CEP112: variants seen among roughly 807,000 people sequenced by gnomAD.
CEP112 encodes the protein centrosomal protein of 112 kDa.
CEP112 carries 127 observed loss-of-function variants against 153.0 expected under a neutral mutation model. The ratio of observed to expected loss-of-function variants is 0.83; its 90% CI spans 0.72 to 0.96. CEP112 has a LOEUF of 0.96. CEP112 is among the 40% of genes least tolerant of loss of function. The pLI, the probability that CEP112 is intolerant of heterozygous loss-of-function variation, is 0.00. For missense variants in CEP112, 1,089 were observed against 1,101.2 expected, an observed-to-expected ratio of 0.99 and a Z score of 0.16; for synonymous variants, 358 against 374.4, an observed-to-expected ratio of 0.96 and a Z score of 0.51.
At chr17:66,088,383 G>T (rs1421017971) in intron 8 of CEP112, among the ~76,000 whole-genome samples, 1 of 152,140 alleles carries the variant, frequency 6.6e-6, no homozygotes, top group Non-Finnish European at 1.5e-5. Context: ...GCACGAGGCT[G>T]GCCCCGACAA....
intron 17 of CEP112, among the ~76,000 whole-genome samples, chr17:65,969,508 G>A (rs2062557075): frequency 6.6e-6 from 1 of 152,034 alleles, no homozygotes; most frequent in Non-Finnish European, 1.5e-5. Flanking sequence ...TACTGTATTT[G>A]CATTACTTGC....
intron 23 of CEP112, among the ~76,000 whole-genome samples, chr17:65,740,593 A>C (rs1435949447): frequency 6.6e-6 from 1 of 152,222 alleles, no homozygotes; most frequent in East Asian, 1.9e-4. Context: ...CTCTGACAGA[A>C]TGAGTACTAG....
In CEP112 at chr17:66,025,476, A is replaced by G. The variant is rs371018480; in HGVS notation, c.1656+2025T>C. 3.9e-4 allele frequency among the ~76,000 whole-genome samples: 60 copies of G among 152,214 alleles called. 1 individual carries two copies. The highest frequency in any genetic ancestry group is 1.4e-3 in the African/African-American group (57 of 41,542). ...AATAATAATAATTAATAACCCCATT[A>G]TAAAGTGGACAAAGGGCATGAGTAG... On this transcript the variant is annotated intron_variant, in intron 16 of 26. Transcript: ENST00000535342.
intron 8 of CEP112, among the ~76,000 whole-genome samples, chr17:66,073,955 T>C (rs545226974): frequency 3.9e-5 from 6 of 152,258 alleles, no homozygotes; most frequent in African/African-American, 1.4e-4. Flanking sequence ...AAGAAAATTT[T>C]GTCCTTAGGC....
intron 19 of CEP112, among the ~76,000 whole-genome samples, chr17:65,921,729 T>C (rs1203607996): frequency 6.6e-6 from 1 of 152,196 alleles, no homozygotes; most frequent in Non-Finnish European, 1.5e-5. Context: ...CAATGGTGTA[T>C]GGCTTCCATT....
chr17:65,991,688 T>C (rs4477761), intron 17 of CEP112, among the ~76,000 whole-genome samples: 78,962 of 151,774 alleles, frequency 0.52, 21,536 homozygotes, highest in African/African-American at 0.6. Flanking sequence ...AATCTTTGTG[T>C]TTACTATTCA....
At chr17:65,970,039 T>C (rs552943769) in intron 17 of CEP112, among the ~76,000 whole-genome samples, 6 of 152,312 alleles carry the variant, frequency 3.9e-5, no homozygotes, top group African/African-American at 1.2e-4. Context: ...CACATGCATA[T>C]TGCATGCATG....
intron 16 of CEP112, among the ~76,000 whole-genome samples, chr17:66,022,460 G>T (rs540410307): frequency 6.6e-6 from 1 of 152,166 alleles, no homozygotes; most frequent in African/African-American, 2.4e-5. Flanking sequence ...TGTAATCCCA[G>T]CACTTTGGGA....
chr17:65,843,146 A>G (rs2057588255), intron 21 of CEP112, among the ~76,000 whole-genome samples: 1 of 152,214 alleles, frequency 6.6e-6, no homozygotes, highest in African/African-American at 2.4e-5. Context: ...AAACCTTCAT[A>G]TAAATGAACA....
chr17:65,667,558 T>TACACACACACAC (rs71361241), intron 24 of CEP112, among the ~76,000 whole-genome samples: 1 of 149,178 alleles, frequency 6.7e-6, no homozygotes, highest in East Asian at 2.0e-4. Flanking sequence ...TTTGTACTCT[T>TACACACACACAC]ACACACACAC....
chr17:65,991,272 T>G lies in CEP112; in HGVS notation c.1736+14418A>C, dbSNP rs190366183. Among the ~76,000 whole-genome samples, 133 of 152,322 alleles carry G rather than the reference T, an allele frequency of 8.7e-4. 3 individuals are homozygous for G. The South Asian group carries it at 8.9e-3, about 10-fold the overall frequency. ...TAGGTAAGTGGAATCCAAGTTGATT[T>G]CATACATGTCAAATATTTCCCTCTT... On this transcript the variant is annotated intron_variant, in intron 17 of 26. Coordinates refer to ENST00000535342, the MANE Select transcript of CEP112 (RefSeq NM_001199165.4).
chr17:66,011,233 G>T (rs1041113609), intron 16 of CEP112, among the ~76,000 whole-genome samples: 1 of 151,896 alleles, frequency 6.6e-6, no homozygotes, highest in Non-Finnish European at 1.5e-5. Context: ...CTTCAGTTCC[G>T]TTCTACTTTT....
intron 21 of CEP112, among the ~76,000 whole-genome samples, chr17:65,851,115 T>C (rs1017580989): frequency 2.0e-5 from 3 of 152,236 alleles, no homozygotes; most frequent in Admixed American, 2.0e-4. Context: ...AGTTACCCTT[T>C]GCAAGTTTCT....
intron 2 of CEP112, among the ~76,000 whole-genome samples, chr17:66,178,133 A>G (rs761123112): frequency 6.6e-6 from 1 of 152,060 alleles, no homozygotes; most frequent in Non-Finnish European, 1.5e-5. Context: ...TTTCTGAGGA[A>G]CCTCAAACTC....
Position 66,096,586 on chromosome 17 carries a change from A to G in CEP112, c.689T>C (p.Leu230Pro), listed in dbSNP as rs371562020. 6 of 1,589,232 alleles carry G rather than the reference A, an allele frequency of 3.8e-6. No individual in the cohort carries two copies. The East Asian group carries it at 9.0e-5, about 24-fold the overall frequency. Residue 230 changes from leucine to proline, a missense_variant and splice_region_variant, in exon 7 of 27, where the codon CTG becomes CCG. Physicochemically the swap from Leu to Pro is moderately conservative, Grantham distance 98. Coordinates refer to ENST00000535342, the MANE Select transcript of CEP112 (RefSeq NM_001199165.4). ...YLRQKPIPVS[L>P]MTPKFSLRKS... ...AAGTCCAATGGATTTCTCACATACC[A>G]GAGAAACTGGGATAGGCTTCTGTCT...
intron 21 of CEP112, among the ~76,000 whole-genome samples, chr17:65,761,361 G>C (rs901504008): frequency 3.9e-5 from 6 of 151,938 alleles, no homozygotes; most frequent in African/African-American, 1.4e-4. Context: ...GAATCCCTCA[G>C]CATCCCAAGT....
chr17:66,191,893 C>T lies in CEP112; in HGVS notation c.-9+104G>A, dbSNP rs910552402. 5 of 152,212 alleles carry T rather than the reference C, an allele frequency of 3.3e-5. No homozygotes were observed. The highest frequency in any genetic ancestry group is 9.6e-5 in the African/African-American group (4 of 41,454). The allele number at this position is 152,212 out of a possible 1,614,324, so 9.4% of individuals were successfully genotyped here. The stretch of plus-strand genomic sequence containing the variant: ...CCAGGGCCTGAGGGCGACGCCCCTT[C>T]CCGAACGGGCCCGCAAGGGCGGGGC... On this transcript the variant is annotated intron_variant, in intron 1 of 26. Coordinates refer to ENST00000535342, the MANE Select transcript of CEP112 (RefSeq NM_001199165.4). The surrounding 1 kb of genome is among the most constrained non-coding windows in gnomAD (Gnocchi z 4.2).
intron 11 of CEP112, among the ~76,000 whole-genome samples, chr17:66,061,129 T>G (rs993433947): frequency 6.6e-6 from 1 of 152,114 alleles, no homozygotes; most frequent in Non-Finnish European, 1.5e-5. Context: ...AGGACCTAAA[T>G]AGACATTTCT....
At chr17:66,034,390 C>T (rs2065619191) in intron 12 of CEP112, among the ~76,000 whole-genome samples, 1 of 152,120 alleles carries the variant, frequency 6.6e-6, no homozygotes, top group African/African-American at 2.4e-5. Context: ...AAAAGAATTT[C>T]TGGAAATCTA....
Sources: gnomAD v4.1 joint callset for allele counts (sites outside exome capture counted in the v4.1 genomes callset) on GRCh38, gnomAD v4.1.1 for gene constraint, Gnocchi (gnomAD v3.1) non-coding constraint, MANE v1.5 for transcripts, NCBI Gene and HGNC (gene_info 2026-07-23, HGNC 2026-07-21) for gene names.